Variants in SLC25A40 observed in about 807,000 individuals in gnomAD.
The protein encoded by SLC25A40 is mitochondrial glutathione transporter SLC25A40.
SLC25A40 carries 41 observed loss-of-function variants against 46.5 expected under a neutral mutation model. The ratio of observed to expected loss-of-function variants is 0.88; its 90% confidence interval spans 0.69 to 1.14. The LOEUF is 1.14. SLC25A40 is among the 50% of genes most tolerant of loss of function. The pLI, the probability that SLC25A40 is intolerant of heterozygous loss-of-function variation, is 0.00. For missense variants in SLC25A40, 386 were observed against 393.6 expected (o/e 0.98, Z 0.16); for synonymous variants, 126 against 127.5 (o/e 0.99, Z 0.08).
intron 3 of SLC25A40, among the ~76,000 whole-genome samples, chr7:87,857,010 TAAGC>T (rs943332063): frequency 1.3e-5 from 2 of 152,198 alleles, no homozygotes; most frequent in Non-Finnish European, 2.9e-5. Flanking sequence ...AAATACATCA[TAAGC>T]AATTAATTTA....
chr7:87,847,135 A>G lies in SLC25A40; in HGVS notation c.458-13T>C. 6.4e-7 allele frequency: 1 copy of G among 1,561,528 alleles called. No homozygotes were observed. Among genetic ancestry groups the G allele is most frequent in the Non-Finnish European group, 8.7e-7 (1 of 1,154,240 alleles). On this transcript the variant is annotated splice_polypyrimidine_tract_variant and intron_variant, in intron 7 of 11. Transcript: ENST00000341119. ...GTTACTGCACCAACTAATACAAACA[A>G]GTTAAAAAAAAGAAAACAAAAATAA...
intron 1 of SLC25A40, among the ~76,000 whole-genome samples, chr7:87,875,173 G>A (rs1416756038): frequency 1.3e-5 from 2 of 152,134 alleles, no homozygotes; most frequent in Non-Finnish European, 2.9e-5. Context: ...TTTTATTGGA[G>A]AGATATCAAA....
At chr7:87,862,462 A>G (rs1158882286) in intron 1 of SLC25A40, among the ~76,000 whole-genome samples, 1 of 152,206 alleles carries the variant, frequency 6.6e-6, no homozygotes, top group Admixed American at 6.5e-5. Context: ...TGAAAAACCC[A>G]TGAGCCCTTC....
chr7:87,868,890 G>C (rs989052860), intron 1 of SLC25A40, among the ~76,000 whole-genome samples: 1 of 152,204 alleles, frequency 6.6e-6, no homozygotes, highest in African/African-American at 2.4e-5. Flanking sequence ...GGGTACAGCT[G>C]TAAGTCCCAA....
At chr7:87,875,450 C>T (rs1256985228) in intron 1 of SLC25A40, among the ~76,000 whole-genome samples, 2 of 152,068 alleles carry the variant, frequency 1.3e-5, no homozygotes, top group Non-Finnish European at 2.9e-5. Flanking sequence ...CTTGAGCTAC[C>T]AGGTAAAAAA....
At chr7:87,862,311 C>T (rs768340965) in intron 1 of SLC25A40, among the ~76,000 whole-genome samples, 8 of 152,176 alleles carry the variant, frequency 5.3e-5, no homozygotes, top group Non-Finnish European at 1.0e-4. Flanking sequence ...TCTGCAAGAA[C>T]AGCTTTCCTC....
intron 1 of SLC25A40, among the ~76,000 whole-genome samples, chr7:87,874,476 T>C (rs1213610306): frequency 6.6e-6 from 1 of 152,226 alleles, no homozygotes; most frequent in Non-Finnish European, 1.5e-5. Flanking sequence ...TTCAAGATTA[T>C]AATTTTTATC....
chr7:87,854,061 G>A (rs1468604955), intron 5 of SLC25A40, 143 bp downstream of exon 5: 2 of 586,964 alleles, frequency 3.4e-6, no homozygotes, highest in Non-Finnish European at 5.8e-6. Flanking sequence ...CCTATGAAAA[G>A]GTTAACAAAG....
intron 10 of SLC25A40, among the ~76,000 whole-genome samples, 192 bp downstream of exon 10, chr7:87,841,428 ATTAGACTTTACAT>A (rs1461890042): frequency 6.6e-6 from 1 of 151,720 alleles, no homozygotes; most frequent in East Asian, 1.9e-4. Context: ...TTCAAGAAAC[ATTAGACTTTACAT>A]TTTCTTAAAT....
rs1456062434 is a variant in SLC25A40, at chr7:87,856,298, G to C, written c.151C>G (p.Pro51Ala). 2 of 1,611,756 alleles carry C rather than the reference G, an allele frequency of 1.2e-6. No individual in the cohort carries two copies. The highest frequency in any genetic ancestry group is 4.5e-5 in the East Asian group (2 of 44,788). Residue 51 changes from proline to alanine, a missense_variant, in exon 4 of 12, where the codon CCC (proline) becomes GCC (alanine). Transcript: ENST00000341119. Reference sequence around the variant, plus strand: ...GGGCAATTAGTACACATACCTTTGGGGAGTGGGTTGTTTTGGGCTTGGAGT... The same window carrying C: ...GGGCAATTAGTACACATACCTTTGGCGAGTGGGTTGTTTTGGGCTTGGAGT... ...IRLQAQNNPL[P>A]KGKCFVYSNG...
intron 1 of SLC25A40, among the ~76,000 whole-genome samples, chr7:87,874,714 CACA>C (rs1226721296): frequency 6.6e-6 from 1 of 152,198 alleles, no homozygotes; most frequent in Non-Finnish European, 1.5e-5. Context: ...ATTTAATCTT[CACA>C]ACATCCCTGA....
At position 87,835,506 on chromosome 7, in the gene SLC25A40, C is replaced by G. The variant is rs911653869; in HGVS notation, c.*743G>C. ...ACTATATGGTTTACCACTGAACACC[C>G]AAGTTTGACTGAAGTGAACATTTGC... On this transcript the variant is annotated 3_prime_UTR_variant, in exon 12 of 12. Coordinates refer to ENST00000341119, the MANE Select transcript of SLC25A40 (RefSeq NM_018843.4). 2.0e-5 allele frequency: 3 copies of G among 151,476 alleles called. No individual in the cohort carries two copies. Among genetic ancestry groups the G allele is most frequent in the African/African-American group, 4.8e-5 (2 of 41,338 alleles). 9.4% of individuals were successfully genotyped at this position (151,476 alleles called of 1,614,324 possible).
intron 2 of SLC25A40, among the ~76,000 whole-genome samples, chr7:87,859,878 G>T (rs1838671933): frequency 6.6e-6 from 1 of 152,038 alleles, no homozygotes. Flanking sequence ...AAGATAGTAA[G>T]ATTGATGGGA....
chr7:87,838,925 A>G (rs573914722), intron 10 of SLC25A40, among the ~76,000 whole-genome samples: 1 of 151,724 alleles, frequency 6.6e-6, no homozygotes, highest in South Asian at 2.1e-4. Flanking sequence ...ATGGATTATA[A>G]TGATTTATCC....
chr7:87,850,614 A>T (rs1838492753), intron 5 of SLC25A40, among the ~76,000 whole-genome samples: 1 of 151,950 alleles, frequency 6.6e-6, no homozygotes, highest in African/African-American at 2.4e-5. Flanking sequence ...CAAAAAGCTA[A>T]AAAATTTGCT....
intron 1 of SLC25A40, among the ~76,000 whole-genome samples, chr7:87,863,054 C>G (rs1409004884): frequency 6.6e-6 from 1 of 152,166 alleles, no homozygotes; most frequent in Non-Finnish European, 1.5e-5. Flanking sequence ...TGCTTAACAT[C>G]TCTGCATATT....
At chr7:87,839,377 A>T (rs1035689981) in intron 10 of SLC25A40, among the ~76,000 whole-genome samples, 1 of 151,184 alleles carries the variant, frequency 6.6e-6, no homozygotes, top group African/African-American at 2.4e-5. Flanking sequence ...TAAATCTATT[A>T]AATACTTAAA....
At chr7:87,870,165 A>G (rs1418780745) in intron 1 of SLC25A40, among the ~76,000 whole-genome samples, 1 of 151,020 alleles carries the variant, frequency 6.6e-6, no homozygotes, top group Non-Finnish European at 1.5e-5. Flanking sequence ...TTGAGTTATA[A>G]TAATTCTTCA....
rs1001142267 is a variant in SLC25A40, at chr7:87,870,962, C to A, written c.-94+5134G>T. 2.0e-5 allele frequency among the ~76,000 whole-genome samples: 3 copies of A among 152,124 alleles called. No individual in the cohort carries two copies. The East Asian group carries it at 5.8e-4, about 29-fold the overall frequency. ...ATAAGCTGCTAACACTTAAGCTGTC[C>A]GTGGATGGCAAAACTGAAAGGGCAC... On this transcript the variant is annotated intron_variant, in intron 1 of 11. Transcript: ENST00000341119.
Sources: gnomAD v4.1 joint callset for allele counts (sites outside exome capture counted in the v4.1 genomes callset) on GRCh38, gnomAD v4.1.1 for gene constraint, MANE v1.5 for transcripts, NCBI Gene and HGNC (gene_info 2026-07-23, HGNC 2026-07-21) for gene names.